MYO3B: variants seen among roughly 807,000 people sequenced by gnomAD.
MYO3B encodes the protein myosin-IIIb.
A neutral mutation model predicts 174.6 loss-of-function variants in MYO3B; 156 were observed. The observed-to-expected ratio is 0.89, with a 90% CI of 0.78 to 1.02. The LOEUF (loss-of-function observed/expected upper bound fraction) is 1.02. MYO3B is among the 50% of genes least tolerant of loss of function. The pLI, the probability that MYO3B is intolerant of heterozygous loss-of-function variation, is 0.00. For synonymous variants in MYO3B, 563 were observed against 569.1 expected, an observed-to-expected ratio of 0.99 and a Z score of 0.15; for missense variants, 1,632 against 1,639.4, an observed-to-expected ratio of 1.00 and a Z score of 0.08.
At chr2:170,585,089 A>G (rs1234625866) in intron 32 of MYO3B, among the ~76,000 whole-genome samples, 1 of 152,184 alleles carries the variant, frequency 6.6e-6, no homozygotes, top group African/African-American at 2.4e-5. Context: ...ATTCTGATGT[A>G]ATTGTTCTGG....
At chr2:170,219,676 A>G (rs2092871094) in intron 6 of MYO3B, among the ~76,000 whole-genome samples, 1 of 152,076 alleles carries the variant, frequency 6.6e-6, no homozygotes, top group South Asian at 2.1e-4. Context: ...GAATGAATGA[A>G]TGCATCCATC....
intron 25 of MYO3B, among the ~76,000 whole-genome samples, chr2:170,484,602 T>G (rs532406903): frequency 5.1e-4 from 77 of 152,338 alleles, no homozygotes; most frequent in Non-Finnish European, 8.1e-4. Context: ...CTAAGTGCTA[T>G]CTATAGTGAG....
intron 25 of MYO3B, among the ~76,000 whole-genome samples, chr2:170,474,343 G>T (rs1685173812): frequency 6.6e-6 from 1 of 152,054 alleles, no homozygotes; most frequent in Non-Finnish European, 1.5e-5. Flanking sequence ...GGTATGATTG[G>T]CAGGGTCTTG....
intron 7 of MYO3B, among the ~76,000 whole-genome samples, chr2:170,287,510 C>T (rs6433190): frequency 4.6e-5 from 7 of 152,100 alleles, no homozygotes; most frequent in Non-Finnish European, 1.0e-4. Context: ...TCATATGCTT[C>T]TTGGCCATTT....
chr2:170,413,167 A>C (rs928856697), intron 22 of MYO3B, among the ~76,000 whole-genome samples: 2 of 152,198 alleles, frequency 1.3e-5, no homozygotes, highest in African/African-American at 2.4e-5. Flanking sequence ...AATAGAAGGA[A>C]ATGTCAGGGA....
At chr2:170,392,237 G>T in intron 15 of MYO3B, 144 bp from the exon 16 acceptor site, 1 of 469,406 alleles carries the variant, frequency 2.1e-6, no homozygotes. Flanking sequence ...AGGCTGCAGT[G>T]AGCTATGATC....
chr2:170,396,180 C>T (rs1188132841), intron 16 of MYO3B, among the ~76,000 whole-genome samples: 3 of 152,178 alleles, frequency 2.0e-5, no homozygotes, highest in Middle Eastern at 3.4e-3. Flanking sequence ...GAGACAGCAG[C>T]GTAGCAAGAT....
At chr2:170,567,275 T>A (rs2106267742) in intron 32 of MYO3B, among the ~76,000 whole-genome samples, 1 of 152,294 alleles carries the variant, frequency 6.6e-6, no homozygotes, top group South Asian at 2.1e-4. Flanking sequence ...GATACCAAAA[T>A]CATGGCTAGA....
chr2:170,474,527 G>A (rs1415594359), intron 25 of MYO3B, among the ~76,000 whole-genome samples: 5 of 151,474 alleles, frequency 3.3e-5, no homozygotes, highest in South Asian at 2.1e-4. Flanking sequence ...ACCTGAGGTC[G>A]GGAGTTGAAG....
At chr2:170,596,995 G>A (rs6723950) in intron 32 of MYO3B, among the ~76,000 whole-genome samples, 3,168 of 152,112 alleles carry the variant, frequency 0.021, 103 homozygotes, top group African/African-American at 0.071. Flanking sequence ...GGGAATCTCC[G>A]TTTCAGGGAT....
At chr2:170,586,098 G>C (rs1469895965) in intron 32 of MYO3B, among the ~76,000 whole-genome samples, 3 of 152,200 alleles carry the variant, frequency 2.0e-5, no homozygotes, top group Non-Finnish European at 2.9e-5. Context: ...TCCTCAGTTA[G>C]GAAGCAGCAC....
intron 28 of MYO3B, among the ~76,000 whole-genome samples, chr2:170,502,645 A>G (rs78298880): frequency 0.021 from 3,123 of 152,236 alleles, 76 homozygotes; most frequent in East Asian, 0.092. Flanking sequence ...TTGAAGCTGC[A>G]TATTCCTACT....
At chr2:170,484,824 G>A (rs1205103068) in intron 25 of MYO3B, among the ~76,000 whole-genome samples, 1 of 151,970 alleles carries the variant, frequency 6.6e-6, no homozygotes, top group African/African-American at 2.4e-5. Flanking sequence ...CAGGGATTAT[G>A]GTAAATATAA....
rs891761404 is a variant in MYO3B, at chr2:170,400,653, C to A, written c.1918+339C>A. On this transcript the variant is annotated intron_variant, in intron 17 of 34. Transcript: ENST00000408978. ...CTCCTGACCTCATGATCCACCCCCCCCCCCTCGGCCTCCCAAAGTGTTGGG... is the reference window on the plus strand; with the variant it reads ...CTCCTGACCTCATGATCCACCCCCCACCCCTCGGCCTCCCAAAGTGTTGGG... Among the ~76,000 whole-genome samples the A allele has an allele frequency of 2.7e-4, 38 of 140,702 alleles. 2 individuals carry two copies. Among genetic ancestry groups the A allele is most frequent in the Admixed American group, 5.6e-4 (8 of 14,340 alleles). The allele number at this position is 140,702 out of a possible 152,430, so 92.3% of individuals were successfully genotyped here.
intron 32 of MYO3B, among the ~76,000 whole-genome samples, chr2:170,562,012 G>C (rs1396864809): frequency 2.6e-5 from 4 of 151,824 alleles, no homozygotes; most frequent in Admixed American, 2.6e-4. Flanking sequence ...TGTGTTTATT[G>C]CTCCATCATC....
intron 16 of MYO3B, among the ~76,000 whole-genome samples, chr2:170,393,934 G>A (rs149526721): frequency 6.6e-6 from 1 of 152,240 alleles, no homozygotes; most frequent in East Asian, 1.9e-4. Context: ...TAAAGAACAG[G>A]TTTTTTAAAT....
At chr2:170,403,768 G>T (rs903419678) in intron 19 of MYO3B, among the ~76,000 whole-genome samples, 9 of 152,130 alleles carry the variant, frequency 5.9e-5, no homozygotes, top group African/African-American at 2.2e-4. Flanking sequence ...CTCTGGAGCT[G>T]GATAAATCTG....
intron 31 of MYO3B, 22 bp from the exon 32 acceptor site, chr2:170,543,870 C>T: frequency 6.3e-7 from 1 of 1,594,040 alleles, no homozygotes; most frequent in Non-Finnish European, 8.6e-7. Context: ...AATAATATTT[C>T]TCTTACTGGG....
At chr2:170,345,838 C>G (rs2094011587) in intron 8 of MYO3B, among the ~76,000 whole-genome samples, 1 of 151,076 alleles carries the variant, frequency 6.6e-6, no homozygotes, top group Non-Finnish European at 1.5e-5. Flanking sequence ...CACAGACAAA[C>G]AGATAAGATC....
Sources: allele counts gnomAD v4.1 joint callset (sites outside exome capture counted in the v4.1 genomes callset), GRCh38; gene constraint gnomAD v4.1.1; transcripts MANE v1.5; gene names NCBI Gene and HGNC (gene_info 2026-07-23, HGNC 2026-07-21).